The following IL2RB variants were observed in gnomAD, a reference collection of about 807,000 sequenced individuals.
IL2RB encodes interleukin-2 receptor subunit beta.
A neutral mutation model predicts 44.2 loss-of-function variants in IL2RB; 17 were observed. The observed-to-expected ratio is 0.38, with a 90% confidence interval of 0.26 to 0.58. The LOEUF (loss-of-function observed/expected upper bound fraction) is 0.58, where lower values mean the gene tolerates loss of function less well. Ranked by LOEUF, IL2RB falls within the 20% of genes least tolerant of loss-of-function variation. The probability of loss-of-function intolerance (pLI) is 0.63; values close to 1 mark genes in which losing one functional copy is unlikely to be tolerated. For missense variants in IL2RB, 624 were observed against 685.5 expected (o/e 0.91, Z 1.00); for synonymous variants, 286 against 297.9 (o/e 0.96, Z 0.41).
At chr22:37,143,916 TGTGC>T (rs56786542) in intron 2 of IL2RB, among the ~76,000 whole-genome samples, 165 bp downstream of exon 2, 17,934 of 124,062 alleles carry the variant, frequency 0.14, 1,098 homozygotes, top group African/African-American at 0.27. Flanking sequence ...TGTGTGTGTG[TGTGC>T]GCGCATTCAT....
intron 8 of IL2RB, among the ~76,000 whole-genome samples, chr22:37,133,780 C>G (rs1921547821): frequency 6.6e-6 from 1 of 152,224 alleles, no homozygotes; most frequent in Non-Finnish European, 1.5e-5. Flanking sequence ...CAGGAAGCAT[C>G]ACTGCCGCCA....
At chr22:37,170,188 T>G (rs1923233275) in intron 1 of IL2RB, among the ~76,000 whole-genome samples, 1 of 151,922 alleles carries the variant, frequency 6.6e-6, no homozygotes, top group Non-Finnish European at 1.5e-5. Context: ...GACAGAATAA[T>G]AAGACTCTTT....
At chr22:37,145,827 G>T (rs183196124) in intron 1 of IL2RB, among the ~76,000 whole-genome samples, 2 of 152,060 alleles carry the variant, frequency 1.3e-5, no homozygotes, top group Non-Finnish European at 1.5e-5. Flanking sequence ...GCTCCTGAGC[G>T]TTGGGCATTT....
intron 8 of IL2RB, among the ~76,000 whole-genome samples, chr22:37,132,835 TAGA>T (rs1053856955): frequency 3.3e-5 from 5 of 152,236 alleles, no homozygotes; most frequent in Non-Finnish European, 7.4e-5. Flanking sequence ...CGGAGATGGC[TAGA>T]AGAAGTGGAA....
In IL2RB at chr22:37,144,123, A is replaced by G. The variant is rs755168776; in HGVS notation, c.50T>C (p.Leu17Pro). The change falls in exon 2 of 10, where the codon CTG becomes CCG. Residue 17 changes from leucine (L) to proline (P), a missense_variant. By Grantham distance (98) the Leu-to-Pro change is moderately conservative. Around this residue, in one of 3 missense-constraint regions of IL2RB, gnomAD observed 78 missense variants for 70.0 expected, o/e 1.11. Coordinates refer to ENST00000216223, the MANE Select transcript of IL2RB (RefSeq NM_000878.5). ...AGATGCCCAAGAGGTAGCCAGGGGCAGGAGGAGGATGAGGAGGGGCAGACG... is the reference window on the plus strand; with the variant it reads ...AGATGCCCAAGAGGTAGCCAGGGGCGGGAGGAGGATGAGGAGGGGCAGACG... ...SWRLPLLILL[L>P]PLATSWASAA... is the part of the protein sequence containing the mutation. 10 of 1,552,472 alleles carry G rather than the reference A, an allele frequency of 6.4e-6. No individual in the cohort carries two copies. The South Asian group carries it at 1.1e-4, about 17-fold the overall frequency.
At chr22:37,170,296 G>GT (rs772898100) in intron 1 of IL2RB, among the ~76,000 whole-genome samples, 1 of 152,226 alleles carries the variant, frequency 6.6e-6, no homozygotes, top group African/African-American at 2.4e-5. Flanking sequence ...TGAGCTACCT[G>GT]TTTTGCAGAA....
chr22:37,136,521 C>G (rs1256551777), intron 6 of IL2RB, 128 bp from the exon 7 acceptor site: 7 of 1,031,404 alleles, frequency 6.8e-6, no homozygotes, highest in Non-Finnish European at 9.8e-6. Context: ...CCAAAGCTCC[C>G]TCACTACCCA....
At chr22:37,142,768 C>A in intron 3 of IL2RB, 1 of 632,824 alleles carries the variant, frequency 1.6e-6, no homozygotes. Context: ...ACACAAACCA[C>A]TTCAAGACAG....
At chr22:37,148,277 T>C (rs1294027964) in intron 1 of IL2RB, among the ~76,000 whole-genome samples, 1 of 152,184 alleles carries the variant, frequency 6.6e-6, no homozygotes, top group Non-Finnish European at 1.5e-5. Flanking sequence ...CGCCTGGCAG[T>C]CACTGAGGCT....
chr22:37,146,758 G>C (rs189250089), intron 1 of IL2RB, among the ~76,000 whole-genome samples: 1 of 152,138 alleles, frequency 6.6e-6, no homozygotes, highest in African/African-American at 2.4e-5. Context: ...CGGGCACACA[G>C]TCGGTGCTCA....
chr22:37,144,495 A>C (rs1307968587), intron 1 of IL2RB, among the ~76,000 whole-genome samples: 1 of 152,226 alleles, frequency 6.6e-6, no homozygotes, highest in Non-Finnish European at 1.5e-5. Flanking sequence ...CTGTAATCCC[A>C]GCACTTTGGG....
chr22:37,139,242 G>T lies in IL2RB; in HGVS notation c.283-20C>A, dbSNP rs1367102397. The T allele has an allele frequency of 3.2e-6, 5 of 1,555,426 alleles. No individual in the cohort carries two copies. In the South Asian group the frequency reaches 3.4e-5, roughly 11 times the overall value. ...CTGAGACTGCAAGGGAAGGAGGGCA[G>T]GGGTGAAACTTCTAGCAGCTTCAGG... On this transcript the variant is annotated intron_variant, in intron 4 of 9. Coordinates refer to ENST00000216223, the MANE Select transcript of IL2RB (RefSeq NM_000878.5).
At chr22:37,166,480 G>A (rs559720195) in intron 1 of IL2RB, among the ~76,000 whole-genome samples, 5 of 152,142 alleles carry the variant, frequency 3.3e-5, no homozygotes, top group South Asian at 2.1e-4. Context: ...CTCCGTTCCC[G>A]CGGTGGAGGG....
At chr22:37,173,112 C>G (rs1210606724) in intron 1 of IL2RB, among the ~76,000 whole-genome samples, 1 of 152,180 alleles carries the variant, frequency 6.6e-6, no homozygotes, top group Admixed American at 6.5e-5. Context: ...GGCTGAGCAG[C>G]CTCCTACCTC....
At chr22:37,140,324 TTATTAC>T (rs1428163151) in intron 4 of IL2RB, among the ~76,000 whole-genome samples, 3 of 131,684 alleles carry the variant, frequency 2.3e-5, no homozygotes, top group Non-Finnish European at 3.3e-5. Context: ...ATTATTATTA[TTATTAC>T]TATTATTGTT....
intron 2 of IL2RB, among the ~76,000 whole-genome samples, chr22:37,143,884 C>CCTGTGT (rs1236054029): frequency 2.4e-4 from 33 of 139,894 alleles, no homozygotes; most frequent in African/African-American, 9.5e-4. Flanking sequence ...CTTGGAGAGG[C>CCTGTGT]GTGTGTGTGT....
At chr22:37,165,639 C>T (rs982051168) in intron 1 of IL2RB, among the ~76,000 whole-genome samples, 2 of 152,052 alleles carry the variant, frequency 1.3e-5, no homozygotes, top group East Asian at 3.8e-4. Flanking sequence ...GGGCAGCTGC[C>T]TCTTCAGGGC....
At chr22:37,167,506 G>T (rs1923126228) in intron 1 of IL2RB, among the ~76,000 whole-genome samples, 1 of 152,190 alleles carries the variant, frequency 6.6e-6, no homozygotes. Flanking sequence ...GGCCTCTCTG[G>T]CTTCTTCTCT....
chr22:37,157,486 A>G (rs1332914719), intron 1 of IL2RB, among the ~76,000 whole-genome samples: 3 of 152,208 alleles, frequency 2.0e-5, no homozygotes, highest in South Asian at 2.1e-4. Context: ...AGCAGCTCCT[A>G]TCTTGTGCAA....
Sources: gnomAD v4.1 joint callset for allele counts (sites outside exome capture counted in the v4.1 genomes callset) on GRCh38, gnomAD v4.1.1 for gene constraint, gnomAD v4.1.1 regional missense constraint, MANE v1.5 for transcripts, NCBI Gene and HGNC (gene_info 2026-07-23, HGNC 2026-07-21) for gene names.